The following FDFT1 variants were observed in gnomAD, a reference collection of about 807,000 sequenced individuals.
The protein encoded by FDFT1 is farnesyl-diphosphate farnesyltransferase 1, also known as squalene synthase.
Under a neutral mutation model 46.8 loss-of-function variants are expected in FDFT1, and 68 were observed. That is an observed-to-expected ratio of 1.45 (90% CI 1.19 to 1.78). The LOEUF is 1.78. Ranked by LOEUF, FDFT1 falls within the 40% of genes most tolerant of loss-of-function variation. The pLI is 0.00. For synonymous variants in FDFT1, 351 were observed against 185.1 expected, an observed-to-expected ratio of 1.90 and a Z score of -7.28; for missense variants, 928 against 524.4, an observed-to-expected ratio of 1.77 and a Z score of -7.52.
At chr8:11,810,107 GT>G in intron 3 of FDFT1, 2 of 426,494 alleles carry the variant, frequency 4.7e-6, no homozygotes, top group Non-Finnish European at 4.2e-6. Flanking sequence ...TAAAATAGGG[GT>G]AATAATAACA....
In FDFT1 at chr8:11,832,436, G is replaced by A. The variant is rs1427970252; in HGVS notation, c.1032+766G>A. Among the ~76,000 whole-genome samples, 12 of 151,044 alleles carry A rather than the reference G, an allele frequency of 7.9e-5. No homozygotes were observed. The East Asian group carries it at 2.1e-3, about 27-fold the overall frequency. On this transcript the variant is annotated intron_variant, in intron 7 of 7. Coordinates refer to ENST00000220584, the MANE Select transcript of FDFT1 (RefSeq NM_004462.5). The stretch of plus-strand genomic sequence containing the variant: ...ATGGTGGTGCACGCCTGTGGTCCCA[G>A]CTACTCAGGAGGCTGAGGCAGGTGG...
chr8:11,802,687 G>GCC (rs1806275423), upstream of FDFT1: 1 of 659,526 alleles, frequency 1.5e-6, no homozygotes, highest in Non-Finnish European at 2.6e-6. Context: ...AGTGGGCGGA[G>GCC]CGGCGGGCGG....
chr8:11,796,186 C>T (rs762429292), intron 1 of FDFT1, among the ~76,000 whole-genome samples: 12 of 152,306 alleles, frequency 7.9e-5, no homozygotes, highest in East Asian at 5.8e-4. Flanking sequence ...AAAGCCAAAT[C>T]CTACTGTAAT....
chr8:11,813,832 A>G (rs1808064165), intron 3 of FDFT1, among the ~76,000 whole-genome samples: 1 of 152,206 alleles, frequency 6.6e-6, no homozygotes, highest in Non-Finnish European at 1.5e-5. Flanking sequence ...CTCAATTCAC[A>G]TGTCACGGCT....
chr8:11,827,908 A>C (rs1357853458), intron 5 of FDFT1, among the ~76,000 whole-genome samples: 2 of 151,714 alleles, frequency 1.3e-5, no homozygotes, highest in Non-Finnish European at 2.9e-5. Flanking sequence ...AACAAAAAAA[A>C]CAGTAAAAAT....
intron 5 of FDFT1, among the ~76,000 whole-genome samples, chr8:11,826,532 G>C (rs1008376630): frequency 6.6e-6 from 1 of 152,172 alleles, no homozygotes; most frequent in Non-Finnish European, 1.5e-5. Flanking sequence ...GGCTTTGTTC[G>C]GCCTGGCGCA....
intron 3 of FDFT1, among the ~76,000 whole-genome samples, chr8:11,821,316 G>C (rs1209133169): frequency 1.3e-5 from 2 of 152,204 alleles, no homozygotes. Flanking sequence ...CATGAGGCCG[G>C]GCTCAGTGGC....
chr8:11,830,138 G>A (rs1455987984), intron 5 of FDFT1, 106 bp from the exon 6 acceptor site: 21 of 949,570 alleles, frequency 2.2e-5, no homozygotes, highest in African/African-American at 4.9e-5. Flanking sequence ...GAGCCACGGC[G>A]CCCAGCCTGT....
chr8:11,808,523 C>T (rs1001084195), intron 1 of FDFT1: 5 of 1,333,936 alleles, frequency 3.7e-6, no homozygotes, highest in East Asian at 3.0e-5. Flanking sequence ...TTCCCATGGC[C>T]GCAGCCGCCT....
chr8:11,808,704 C>CCCCACTCCCACTCCCACTCCCACT, intron 1 of FDFT1, 90 bp from the exon 2 acceptor site: 2 of 1,406,184 alleles, frequency 1.4e-6, no homozygotes, highest in South Asian at 2.6e-5. Flanking sequence ...GAGCCGCCTG[C>CCCCACTCCCACTCCCACTCCCACT]CCCAGTCCCA....
At chr8:11,809,450 A>C in intron 2 of FDFT1, 1 of 1,281,894 alleles carries the variant, frequency 7.8e-7, no homozygotes, top group Non-Finnish European at 9.8e-7. Flanking sequence ...ACATTCAACT[A>C]GTAGGCTTTT....
intron 3 of FDFT1, among the ~76,000 whole-genome samples, chr8:11,811,917 C>T (rs542859896): frequency 6.6e-6 from 1 of 152,294 alleles, no homozygotes; most frequent in East Asian, 1.9e-4. Context: ...TTAACAGTGC[C>T]TTGTCTTCTT....
At chr8:11,803,526 C>T in intron 1 of FDFT1, 1 of 1,193,956 alleles carries the variant, frequency 8.4e-7, no homozygotes, top group Non-Finnish European at 1.1e-6. Flanking sequence ...AAGGTCAGAA[C>T]TTGGTTTTAC....
chr8:11,836,121 C>G (rs531105388), intron 7 of FDFT1, among the ~76,000 whole-genome samples: 2 of 150,398 alleles, frequency 1.3e-5, no homozygotes, highest in African/African-American at 4.9e-5. Context: ...CCACTGCACT[C>G]TAGCCTGGGT....
upstream of FDFT1, chr8:11,802,450 G>T (rs1364968869): frequency 6.5e-6 from 3 of 462,966 alleles, no homozygotes; most frequent in Non-Finnish European, 1.3e-5. Flanking sequence ...CGCGCTCCCA[G>T]CCGGGGTAAG....
intron 1 of FDFT1, among the ~76,000 whole-genome samples, chr8:11,805,383 A>C (rs1806702318): frequency 1.3e-5 from 2 of 152,230 alleles, no homozygotes; most frequent in Admixed American, 1.3e-4. Context: ...GCCGCCTGCA[A>C]GTTGTGTGGC....
intron 5 of FDFT1, among the ~76,000 whole-genome samples, chr8:11,829,960 G>C (rs1332942109): frequency 6.6e-6 from 1 of 151,904 alleles, no homozygotes; most frequent in African/African-American, 2.4e-5. Context: ...CAATTCTTCT[G>C]TCTCACCCTC....
At chr8:11,797,466 C>T, upstream of FDFT1, among the ~76,000 whole-genome samples, 1 of 152,070 alleles carries the variant, frequency 6.6e-6, no homozygotes, top group South Asian at 2.1e-4. Context: ...TCTTACTCAT[C>T]TTTGTTTTTT....
chr8:11,808,623 C>T (rs904160848), intron 1 of FDFT1, 171 bp from the exon 2 acceptor site: 10 of 1,390,622 alleles, frequency 7.2e-6, no homozygotes, highest in South Asian at 1.6e-5. Context: ...CACCGCCCCG[C>T]GGGGCTGCTG....
Sources: allele counts gnomAD v4.1 joint callset (sites outside exome capture counted in the v4.1 genomes callset), GRCh38; gene constraint gnomAD v4.1.1; transcripts MANE v1.5; gene names NCBI Gene and HGNC (gene_info 2026-07-23, HGNC 2026-07-21).